The following ZPLD1 variants were observed in gnomAD, a reference collection of about 807,000 sequenced individuals.
The protein encoded by ZPLD1 is zona pellucida-like domain-containing protein 1.
In ZPLD1, 34 loss-of-function variants were observed where a neutral mutation model predicts 47.2. The ratio of observed to expected loss-of-function variants is 0.72; its 90% CI spans 0.55 to 0.96. The LOEUF is 0.96. ZPLD1 is among the 40% of genes least tolerant of loss of function. The probability of loss-of-function intolerance (pLI) is 0.00; values close to 1 mark genes in which losing one functional copy is unlikely to be tolerated. For missense variants in ZPLD1, 512 were observed against 505.8 expected (o/e 1.01, Z -0.12); for synonymous variants, 176 against 186.2 (o/e 0.95, Z 0.45).
chr3:102,409,856 A>G, intron 7 of ZPLD1, among the ~76,000 whole-genome samples: 1 of 151,810 alleles, frequency 6.6e-6, no homozygotes, highest in East Asian at 1.9e-4. Context: ...GCAGGATCAC[A>G]TGGTTCAAGT....
chr3:102,440,864 G>A (rs1468311680), intron 3 of ZPLD1, among the ~76,000 whole-genome samples: 1 of 151,700 alleles, frequency 6.6e-6, no homozygotes, highest in African/African-American at 2.4e-5. Flanking sequence ...TAAAGGGAGA[G>A]TATTAAAAAA....
chr3:102,450,784 A>G (rs114651874), intron 3 of ZPLD1, among the ~76,000 whole-genome samples: 4 of 152,212 alleles, frequency 2.6e-5, no homozygotes, highest in African/African-American at 7.2e-5. Context: ...TAGCATGTAG[A>G]TAGAGAAAAA....
At chr3:102,422,025 T>C (rs1706885538) in intron 8 of ZPLD1, among the ~76,000 whole-genome samples, 2 of 152,064 alleles carry the variant, frequency 1.3e-5, no homozygotes, top group Non-Finnish European at 2.9e-5. Context: ...AAAAGTTTAA[T>C]TAGTAATGGA....
chr3:102,449,837 T>G (rs1707309933), intron 3 of ZPLD1, among the ~76,000 whole-genome samples: 1 of 152,154 alleles, frequency 6.6e-6, no homozygotes, highest in African/African-American at 2.4e-5. Context: ...AGTCCTGGAA[T>G]GTATCCCTAG....
At chr3:102,453,299 C>T (rs1415580982) in intron 4 of ZPLD1, among the ~76,000 whole-genome samples, 160 bp downstream of exon 4, 2 of 152,214 alleles carry the variant, frequency 1.3e-5, no homozygotes, top group Non-Finnish European at 2.9e-5. Flanking sequence ...AGCAAATATA[C>T]AATTCTATCT....
In ZPLD1 at chr3:102,443,685, A is replaced by G. The variant is rs532743611; in HGVS notation, c.106+5092A>G. 4.6e-5 allele frequency among the ~76,000 whole-genome samples: 7 copies of G among 152,328 alleles called. No individual in the cohort carries two copies. In the South Asian group the frequency reaches 1.4e-3, roughly 32 times the overall value. ...TGTTCCACAGGAGGTAAAATTGAGA[A>G]TCAATTATTTAATCAATAGAATTCA... On this transcript the variant is annotated intron_variant, in intron 3 of 11. Transcript: ENST00000466937.
At chr3:102,390,895 A>G (rs1706487472) in intron 6 of ZPLD1, among the ~76,000 whole-genome samples, 1 of 152,154 alleles carries the variant, frequency 6.6e-6, no homozygotes, top group Admixed American at 6.5e-5. Flanking sequence ...AAGCACCTCA[A>G]ATAATTAGCA....
intron 6 of ZPLD1, among the ~76,000 whole-genome samples, chr3:102,386,872 C>T (rs1706430009): frequency 6.6e-6 from 1 of 152,142 alleles, no homozygotes; most frequent in African/African-American, 2.4e-5. Context: ...ACCCTAGACT[C>T]CCTCTCCAGA....
Position 102,477,427 on chromosome 3 carries a change from G to C in ZPLD1, c.1073-16G>C, listed in dbSNP as rs775371536. The C allele has an allele frequency of 2.5e-6, 4 of 1,607,636 alleles. No homozygotes were observed. In the South Asian group the frequency reaches 4.4e-5, roughly 18 times the overall value. On this transcript the variant is annotated splice_polypyrimidine_tract_variant and intron_variant, in intron 11 of 11. Transcript: ENST00000466937. The stretch of plus-strand genomic sequence containing the variant: ...ATATGGGGCCTTTACAACCGGGTGT[G>C]TTTTATTATTTGCAGGTTCTCCAAG...
intron 7 of ZPLD1, among the ~76,000 whole-genome samples, chr3:102,398,967 C>G (rs1309104641): frequency 1.3e-5 from 2 of 152,004 alleles, no homozygotes; most frequent in Non-Finnish European, 2.9e-5. Context: ...CAAAAGGATA[C>G]AAGATGGAAC....
Position 102,436,876 on chromosome 3 carries a change from G to C in ZPLD1, c.-106G>C. On this transcript the variant is annotated 5_prime_UTR_variant, in exon 2 of 12. Transcript: ENST00000466937. ...ATTTCTTAGGATACACCTCTGTGTT[G>C]GGGACAACAGTGTGGGTCTAGAGTT... 1.0e-6 allele frequency: 1 copy of C among 985,218 alleles called. No homozygotes were observed. Among genetic ancestry groups the C allele is most frequent in the Non-Finnish European group, 1.2e-6 (1 of 829,772 alleles). 61.0% of individuals were successfully genotyped at this position (985,218 alleles called of 1,614,324 possible).
At chr3:102,406,447 G>A (rs146736849) in intron 7 of ZPLD1, among the ~76,000 whole-genome samples, 1 of 151,864 alleles carries the variant, frequency 6.6e-6, no homozygotes, top group Admixed American at 6.6e-5. Context: ...ATATGTAATT[G>A]ATCTTCTATT....
At chr3:102,453,219 C>A in intron 4 of ZPLD1, 80 bp downstream of exon 4, 9 of 1,256,478 alleles carry the variant, frequency 7.2e-6, no homozygotes, top group Non-Finnish European at 1.0e-5. Flanking sequence ...ATAAGATGCC[C>A]AATCTATCTC....
chr3:102,447,257 G>T (rs1378552744), intron 3 of ZPLD1, among the ~76,000 whole-genome samples: 2 of 152,012 alleles, frequency 1.3e-5, no homozygotes, highest in Admixed American at 6.6e-5. Context: ...GTAGAAATGG[G>T]GTTTCACCAT....
upstream of ZPLD1, among the ~76,000 whole-genome samples, chr3:102,433,018 C>T (rs762112486): frequency 1.4e-4 from 21 of 152,264 alleles, no homozygotes; most frequent in Non-Finnish European, 2.8e-4. Flanking sequence ...CTATATTTTA[C>T]TTGTAGATTT....
intron 6 of ZPLD1, among the ~76,000 whole-genome samples, chr3:102,461,562 G>C (rs899955092): frequency 3.3e-5 from 5 of 151,898 alleles, no homozygotes; most frequent in Non-Finnish European, 5.9e-5. Flanking sequence ...TTAGCAGCTT[G>C]GAGTCTGTGT....
chr3:102,471,079 G>A (rs1323609110), intron 10 of ZPLD1, among the ~76,000 whole-genome samples: 4 of 152,076 alleles, frequency 2.6e-5, no homozygotes, highest in African/African-American at 9.7e-5. Flanking sequence ...CATGCTGGAC[G>A]TGTGTATCCG....
intron 10 of ZPLD1, among the ~76,000 whole-genome samples, chr3:102,472,872 A>G (rs1336105991): frequency 6.6e-6 from 1 of 152,222 alleles, no homozygotes; most frequent in Non-Finnish European, 1.5e-5. Context: ...GTATTCCTCC[A>G]TTCTCATGCT....
chr3:102,404,325 G>A (rs1400065929), intron 7 of ZPLD1, among the ~76,000 whole-genome samples: 3 of 151,790 alleles, frequency 2.0e-5, no homozygotes, highest in Non-Finnish European at 2.9e-5. Flanking sequence ...AAGAAAATGA[G>A]GTATTTACCA....
Sources: allele counts gnomAD v4.1 joint callset (sites outside exome capture counted in the v4.1 genomes callset), GRCh38; gene constraint gnomAD v4.1.1; transcripts MANE v1.5; gene names NCBI Gene and HGNC (gene_info 2026-07-23, HGNC 2026-07-21).